The following TNRC6B variants were observed in gnomAD, a reference collection of about 807,000 sequenced individuals.
TNRC6B encodes trinucleotide repeat-containing gene 6B protein.
Under a neutral mutation model 203.6 loss-of-function variants are expected in TNRC6B, and 52 were observed. That is an observed-to-expected ratio of 0.26 (90% CI 0.20 to 0.32). TNRC6B has a LOEUF of 0.32. Ranked by LOEUF, TNRC6B falls within the 10% of genes least tolerant of loss-of-function variation. The pLI is 1.00. For synonymous variants in TNRC6B, 838 were observed against 845.7 expected (o/e 0.99, Z 0.16); for missense variants, 1,923 against 2,286.2 (o/e 0.84, Z 3.24).
intron 3 of TNRC6B, among the ~76,000 whole-genome samples, chr22:40,130,987 C>T (rs1360233506): frequency 5.3e-5 from 8 of 150,606 alleles, no homozygotes; most frequent in African/African-American, 2.0e-4. Flanking sequence ...CTGCAAGCTC[C>T]GCCTCCCGGG....
At chr22:40,303,872 C>G (rs1005669477) in intron 15 of TNRC6B, among the ~76,000 whole-genome samples, 1 of 152,220 alleles carries the variant, frequency 6.6e-6, no homozygotes, top group Non-Finnish European at 1.5e-5. Context: ...GATCATGCCA[C>G]TGCACTCCAG....
At chr22:40,144,459 A>G (rs2068673052) in intron 3 of TNRC6B, among the ~76,000 whole-genome samples, 1 of 151,318 alleles carries the variant, frequency 6.6e-6, no homozygotes, top group African/African-American at 2.4e-5. Context: ...GCGGATCACG[A>G]GGTCAGGAGA....
chr22:40,143,469 T>C (rs897825848), intron 3 of TNRC6B, among the ~76,000 whole-genome samples: 1 of 151,878 alleles, frequency 6.6e-6, no homozygotes, highest in Non-Finnish European at 1.5e-5. Flanking sequence ...AAACTATAGA[T>C]TGGGAAAAAA....
At chr22:40,302,995 A>G (rs1349393539) in intron 15 of TNRC6B, among the ~76,000 whole-genome samples, 8 of 151,472 alleles carry the variant, frequency 5.3e-5, no homozygotes, top group South Asian at 2.1e-4. Flanking sequence ...CTTGATTACT[A>G]ACAAAGGTGT....
In TNRC6B at chr22:40,266,474, T is replaced by A; in HGVS notation, c.2244T>A (p.Gly748=). ...AAGGATGGTCTTCTGGAAAGAATGG[T>A]TGGGGGGAGGAAGTCGATCAGACAA... ...PNQGWSSGKN[G]WGEEVDQTKN... The change falls in exon 5 of 23, where the codon GGT becomes GGA. Residue 748 remains glycine (G), a synonymous_variant. Transcript: ENST00000454349. The A allele has an allele frequency of 6.2e-7, 1 of 1,613,204 alleles. No individual in the cohort carries two copies. The highest frequency in any genetic ancestry group is 8.5e-7 in the Non-Finnish European group (1 of 1,179,626).
intron 1 of TNRC6B, among the ~76,000 whole-genome samples, chr22:40,215,646 C>A (rs142571320): frequency 1.4e-3 from 212 of 152,306 alleles, no homozygotes; most frequent in African/African-American, 4.9e-3. Context: ...AAGCCTCTTC[C>A]CTTTGTTCCC....
At chr22:40,100,603 C>T (rs1047555085) in intron 1 of TNRC6B, among the ~76,000 whole-genome samples, 6 of 152,162 alleles carry the variant, frequency 3.9e-5, no homozygotes, top group African/African-American at 1.4e-4. Flanking sequence ...CCAGGCAGAA[C>T]TTAAACTCCT....
chr22:40,191,063 G>T (rs768183484), intron 1 of TNRC6B, among the ~76,000 whole-genome samples: 3 of 152,210 alleles, frequency 2.0e-5, no homozygotes, highest in Non-Finnish European at 2.9e-5. Flanking sequence ...TGAGGATAGA[G>T]AAGAGGAAGG....
intron 1 of TNRC6B, among the ~76,000 whole-genome samples, chr22:40,094,006 G>C (rs923266260): frequency 1.3e-5 from 2 of 151,986 alleles, no homozygotes; most frequent in African/African-American, 4.8e-5. Context: ...TAATACCCCA[G>C]TTACCCTGAT....
Position 40,315,972 on chromosome 22 carries a change from G to A in TNRC6B, c.4934G>A (p.Arg1645His), listed in dbSNP as rs769646701. The change falls in exon 21 of 23, where the codon CGT (arginine) becomes CAT (histidine). Residue 1645 changes from arginine (R) to histidine (H), a missense_variant. Transcript: ENST00000454349. ...ASTWSDGGSVRPSYWLVLHNL... is the reference protein window; with the variant it reads ...ASTWSDGGSVHPSYWLVLHNL... Reference sequence around the variant, plus strand: ...ACCTGGAGTGATGGTGGCTCAGTTCGTCCTAGTTACTGGCTGGTTCTTCAC... The same window carrying A: ...ACCTGGAGTGATGGTGGCTCAGTTCATCCTAGTTACTGGCTGGTTCTTCAC... 9 of 1,613,796 alleles carry A rather than the reference G, an allele frequency of 5.6e-6. No homozygotes were observed. The East Asian group carries it at 6.7e-5, about 12-fold the overall frequency.
chr22:40,269,695 A>G (rs1192392957), intron 5 of TNRC6B, among the ~76,000 whole-genome samples: 1 of 151,900 alleles, frequency 6.6e-6, no homozygotes, highest in Non-Finnish European at 1.5e-5. Context: ...AGCCTGGCCA[A>G]TGTGGTGAAA....
At chr22:40,271,809 G>C (rs958631015) in intron 6 of TNRC6B, among the ~76,000 whole-genome samples, 4 of 152,126 alleles carry the variant, frequency 2.6e-5, no homozygotes, top group Admixed American at 6.5e-5. Flanking sequence ...TCCTTTCTGT[G>C]GGTAAGTTAA....
At chr22:40,255,427 G>A (rs897504910) in intron 3 of TNRC6B, among the ~76,000 whole-genome samples, 2 of 152,128 alleles carry the variant, frequency 1.3e-5, no homozygotes, top group Admixed American at 6.5e-5. Context: ...GTAACCTTGA[G>A]TCTACTCTCA....
intron 1 of TNRC6B, among the ~76,000 whole-genome samples, chr22:40,197,473 G>T (rs2146401771): frequency 6.6e-6 from 1 of 151,976 alleles, no homozygotes; most frequent in Admixed American, 6.6e-5. Context: ...ATTTTTAGTA[G>T]AGACGGGGTT....
At chr22:40,074,404 G>A (rs968436030) in intron 1 of TNRC6B, among the ~76,000 whole-genome samples, 1 of 151,964 alleles carries the variant, frequency 6.6e-6, no homozygotes, top group African/African-American at 2.4e-5. Flanking sequence ...CAGCACTTTC[G>A]GGAGGCTGAG....
At chr22:40,104,526 A>T (rs1207677524) in intron 1 of TNRC6B, among the ~76,000 whole-genome samples, 2 of 152,214 alleles carry the variant, frequency 1.3e-5, no homozygotes, top group African/African-American at 4.8e-5. Flanking sequence ...TATTCACTGA[A>T]TATCTGCTAC....
chr22:40,260,061 G>A lies in TNRC6B; in HGVS notation c.116-1771G>A, dbSNP rs568271336. On this transcript the variant is annotated intron_variant, in intron 3 of 22. Transcript: ENST00000454349. ...AGAGCCAGAGGGTCCGGCAGAGTGC[G>A]GTTTCACGGTTGCCCCGACATTCCC... Among the ~76,000 whole-genome samples, 29 of 152,198 alleles carry A rather than the reference G, an allele frequency of 1.9e-4. No individual in the cohort carries two copies. In the South Asian group the frequency reaches 4.8e-3, roughly 25 times the overall value.
intron 1 of TNRC6B, among the ~76,000 whole-genome samples, chr22:40,232,653 A>G (rs992020465): frequency 6.6e-6 from 1 of 152,228 alleles, no homozygotes; most frequent in Non-Finnish European, 1.5e-5. Flanking sequence ...TTTTGCGGGG[A>G]AAAAGCTTTC....
At chr22:40,294,801 G>A (rs1297999897) in intron 12 of TNRC6B, among the ~76,000 whole-genome samples, 3 of 152,212 alleles carry the variant, frequency 2.0e-5, no homozygotes, top group Non-Finnish European at 2.9e-5. Context: ...GTGACATTTT[G>A]TGTGAATTCA....
Sources: gnomAD v4.1 joint callset for allele counts (sites outside exome capture counted in the v4.1 genomes callset) on GRCh38, gnomAD v4.1.1 for gene constraint, MANE v1.5 for transcripts, NCBI Gene and HGNC (gene_info 2026-07-23, HGNC 2026-07-21) for gene names.